The following ZNF143 variants were observed in gnomAD, a reference collection of about 807,000 sequenced individuals.
The protein encoded by ZNF143 is SPH-binding factor.
ZNF143 carries 49 observed loss-of-function variants against 74.1 expected under a neutral mutation model. That is an observed-to-expected ratio of 0.66 (90% CI 0.53 to 0.84). The LOEUF is 0.84. ZNF143 is among the 40% of genes least tolerant of loss of function. The probability of loss-of-function intolerance (pLI) is 0.00; values close to 1 mark genes in which losing one functional copy is unlikely to be tolerated. For missense variants in ZNF143, 637 were observed against 793.4 expected, an observed-to-expected ratio of 0.80 and a Z score of 2.37; for synonymous variants, 304 against 282.8, an observed-to-expected ratio of 1.07 and a Z score of -0.75.
chr11:9,512,130 G>A (rs1316001984), intron 12 of ZNF143, among the ~76,000 whole-genome samples: 2 of 152,112 alleles, frequency 1.3e-5, no homozygotes, highest in African/African-American at 4.8e-5. Flanking sequence ...TTCCTGTACA[G>A]TTCCTCCCCT....
Position 9,504,673 on chromosome 11 carries a change from CTTTTTTT to C in ZNF143, c.1147+3416_1147+3422del, listed in dbSNP as rs869310966. Among the ~76,000 whole-genome samples the C allele has an allele frequency of 8.9e-5, 8 of 89,446 alleles. 3 individuals carry two copies. The South Asian group carries it at 2.6e-3, about 29-fold the overall frequency. The allele number at this position is 89,446 out of a possible 152,430, so 58.7% of individuals were successfully genotyped here. A position where few individuals can be genotyped will look rare whatever the true frequency, so the allele number is the denominator to read the frequency against. On this transcript the variant is annotated intron_variant, in intron 11 of 15. Coordinates refer to ENST00000396602, the MANE Select transcript of ZNF143 (RefSeq NM_003442.6). ...ATTAAAAGACATTTTTTTCTTTTTT[CTTTTTTT>C]TTTTTTTTTTTTGAGACAGCGTCTC...
At chr11:9,517,915 AAG>A (rs1294473479) in intron 14 of ZNF143, among the ~76,000 whole-genome samples, 1 of 152,188 alleles carries the variant, frequency 6.6e-6, no homozygotes, top group Non-Finnish European at 1.5e-5. Flanking sequence ...TGCTCACCAA[AAG>A]ACACTGTTAA....
chr11:9,502,744 A>T (rs1273834183), intron 11 of ZNF143, among the ~76,000 whole-genome samples: 1 of 150,662 alleles, frequency 6.6e-6, no homozygotes, highest in Non-Finnish European at 1.5e-5. Context: ...TCCTTTCCCC[A>T]CCCCGCCCCC....
chr11:9,525,861 G>C lies in ZNF143; in HGVS notation c.1833+475G>C, dbSNP rs58623332. 8.9e-3 allele frequency among the ~76,000 whole-genome samples: 1,360 copies of C among 152,272 alleles called. 19 individuals are homozygous for C. Among genetic ancestry groups the C allele is most frequent in the African/African-American group, 0.03 (1,238 of 41,542 alleles). ...CAGAGAATTTAGAATCTTAGGTGCA[G>C]CCGGGCATGGTGGCTCATCCCTATA... On this transcript the variant is annotated intron_variant, in intron 15 of 15. Coordinates refer to ENST00000396602, the MANE Select transcript of ZNF143 (RefSeq NM_003442.6).
intron 10 of ZNF143, 145 bp from the exon 11 acceptor site, chr11:9,500,946 C>G: frequency 1.1e-6 from 1 of 876,154 alleles, no homozygotes; most frequent in South Asian, 1.7e-5. Flanking sequence ...GTTTCCCCAA[C>G]CCCCCCAAAA....
At chr11:9,494,303 A>G (rs1486030564) in intron 7 of ZNF143, among the ~76,000 whole-genome samples, 1 of 152,000 alleles carries the variant, frequency 6.6e-6, no homozygotes, top group Non-Finnish European at 1.5e-5. Flanking sequence ...TTTCTGTATT[A>G]TTGATTGATT....
Position 9,527,783 on chromosome 11 carries a change from C to T in ZNF143, c.*170C>T, listed in dbSNP as rs538880725. 36 of 592,370 alleles carry T rather than the reference C, an allele frequency of 6.1e-5. No individual in the cohort carries two copies. In the African/African-American group the frequency reaches 6.1e-4, roughly 10 times the overall value. 36.7% of individuals were successfully genotyped at this position (592,370 alleles called of 1,614,324 possible). On this transcript the variant is annotated 3_prime_UTR_variant, in exon 16 of 16. Coordinates refer to ENST00000396602, the MANE Select transcript of ZNF143 (RefSeq NM_003442.6). ...ATTCTTGACACTTTTGTGTATATAA[C>T]CCTTGGAATAGATTCTCAGAGTGAT...
rs1337092936 is a variant in ZNF143 at position 9,494,662 on chromosome 11, A to G, written c.662A>G (p.His221Arg). ...EKKMQIVLQGHATRVTAKSQQ... is the reference protein window; with the variant it reads ...EKKMQIVLQGRATRVTAKSQQ... The stretch of plus-strand genomic sequence containing the variant: ...TTTATTTAGATTGTTTTACAAGGAC[A>G]TGCTACAAGAGTAACTGCTAAATCT... Residue 221 changes from histidine to arginine, a missense_variant, in exon 8 of 16, where the codon CAT becomes CGT. This residue lies in a region of ZNF143 where 293 missense variants were observed against 307.8 expected (regional missense o/e 0.95). Coordinates refer to ENST00000396602, the MANE Select transcript of ZNF143 (RefSeq NM_003442.6). 1.2e-6 allele frequency: 2 copies of G among 1,613,884 alleles called. No individual in the cohort carries two copies. Among genetic ancestry groups the G allele is most frequent in the Non-Finnish European group, 1.7e-6 (2 of 1,179,792 alleles).
intron 7 of ZNF143, 141 bp downstream of exon 7, chr11:9,479,687 A>G: frequency 1.7e-6 from 1 of 597,818 alleles, no homozygotes; most frequent in Non-Finnish European, 2.8e-6. Context: ...ATTGGGCAGC[A>G]GCTTTCTCAA....
In ZNF143 at chr11:9,478,440, A is replaced by G. The variant is rs748787984; in HGVS notation, c.424A>G (p.Thr142Ala). Residue 142 changes from threonine to alanine, a missense_variant, in exon 6 of 16, where the codon ACA (threonine) becomes GCA (alanine). Thr to Ala is a moderately conservative substitution (Grantham distance 58, BLOSUM62 0). Coordinates refer to ENST00000396602, the MANE Select transcript of ZNF143 (RefSeq NM_003442.6). ...LQAVQLEDGT[T>A]AYIHHAVQVP... ...GGCGGTTCAGCTGGAAGATGGTACC[A>G]CAGCTTATATCCACCATGCAGTGCA... 1.2e-6 allele frequency: 2 copies of G among 1,614,216 alleles called. No homozygotes were observed. The highest frequency in any genetic ancestry group is 1.7e-5 in the Admixed American group (1 of 60,018).
chr11:9,473,988 G>T lies in ZNF143; in HGVS notation c.253G>T (p.Ala85Ser). ...GQVIQLEDGSAAYVQHVPIPK... is the reference protein window; with the variant it reads ...GQVIQLEDGSSAYVQHVPIPK... Reference sequence around the variant, plus strand: ...GGTCATTCAGTTGGAAGATGGTTCTGCGGCCTATGTTCAACATGTACCCAT... The same window carrying T: ...GGTCATTCAGTTGGAAGATGGTTCTTCGGCCTATGTTCAACATGTACCCAT... The change falls in exon 4 of 16, where the codon GCG (alanine) becomes TCG (serine). Residue 85 changes from alanine (A) to serine (S), a missense_variant. By Grantham distance (99) the Ala-to-Ser change is moderately conservative. Transcript: ENST00000396602. The T allele has an allele frequency of 6.2e-7, 1 of 1,614,012 alleles. No individual in the cohort carries two copies. The highest frequency in any genetic ancestry group is 8.5e-7 in the Non-Finnish European group (1 of 1,179,940).
chr11:9,467,801 G>A (rs1465678013), intron 1 of ZNF143, among the ~76,000 whole-genome samples: 2 of 140,492 alleles, frequency 1.4e-5, no homozygotes, highest in African/African-American at 2.6e-5. Flanking sequence ...CTGAGATGGC[G>A]CCACTGCACT....
At chr11:9,465,048 G>A (rs1166312454) in intron 1 of ZNF143, among the ~76,000 whole-genome samples, 1 of 152,154 alleles carries the variant, frequency 6.6e-6, no homozygotes, top group Non-Finnish European at 1.5e-5. Flanking sequence ...AAAAAAAGCT[G>A]AATACAAAAT....
intron 5 of ZNF143, among the ~76,000 whole-genome samples, chr11:9,477,712 G>A (rs1471099659): frequency 6.6e-6 from 1 of 152,170 alleles, no homozygotes; most frequent in African/African-American, 2.4e-5. Flanking sequence ...ATTTAGAGGG[G>A]AAAAAACCAC....
intron 7 of ZNF143, among the ~76,000 whole-genome samples, chr11:9,486,444 A>G (rs867399288): frequency 2.5e-5 from 1 of 39,350 alleles, no homozygotes; most frequent in East Asian, 4.9e-4. Context: ...TATATAATAT[A>G]TTATATATAT....
At chr11:9,468,245 T>A (rs995952685) in intron 1 of ZNF143, among the ~76,000 whole-genome samples, 1 of 152,168 alleles carries the variant, frequency 6.6e-6, no homozygotes, top group Non-Finnish European at 1.5e-5. Flanking sequence ...TTGTTCTTTT[T>A]CACATCAATA....
At chr11:9,489,252 CCTTA>C (rs1360498748) in intron 7 of ZNF143, among the ~76,000 whole-genome samples, 2 of 152,088 alleles carry the variant, frequency 1.3e-5, no homozygotes, top group Non-Finnish European at 2.9e-5. Context: ...TGGACACTGC[CCTTA>C]CTTATAATTC....
At chr11:9,502,900 G>A (rs559050268) in intron 11 of ZNF143, among the ~76,000 whole-genome samples, 1 of 152,032 alleles carries the variant, frequency 6.6e-6, no homozygotes, top group African/African-American at 2.4e-5. Context: ...GCGCAATCTC[G>A]GCTCACTGCA....
intron 9 of ZNF143, among the ~76,000 whole-genome samples, chr11:9,497,009 G>A (rs929048910): frequency 1.3e-5 from 2 of 152,192 alleles, no homozygotes; most frequent in Non-Finnish European, 2.9e-5. Context: ...ACAGGCCTTA[G>A]CAATGGGATG....
Sources: allele counts gnomAD v4.1 joint callset (sites outside exome capture counted in the v4.1 genomes callset), GRCh38; gene constraint gnomAD v4.1.1; regional missense constraint gnomAD v4.1.1; transcripts MANE v1.5; gene names NCBI Gene and HGNC (gene_info 2026-07-23, HGNC 2026-07-21).